The following FLG variants were observed in gnomAD, a reference collection of about 807,000 sequenced individuals.
FLG encodes the protein epidermal filaggrin.
Under a neutral mutation model 3.8 loss-of-function variants are expected in FLG, and 6 were observed. The ratio of observed to expected loss-of-function variants is 1.60; its 90% CI spans 0.87 to 3.15. FLG has a LOEUF of 3.15. FLG is among the 30% of genes most tolerant of loss of function. The probability of loss-of-function intolerance (pLI) is 0.00; values close to 1 mark genes in which losing one functional copy is unlikely to be tolerated. For missense variants in FLG, 7,595 were observed against 5,050.9 expected (o/e 1.50, Z -15.27); for synonymous variants, 2,551 against 1,931.6 (o/e 1.32, Z -8.41).
Position 152,311,837 on chromosome 1 carries a change from G to A in FLG, c.3049C>T (p.Gln1017Ter). The A allele has an allele frequency of 6.2e-7, 1 of 1,614,110 alleles. No individual in the cohort carries two copies. The highest frequency in any genetic ancestry group is 2.2e-5 in the East Asian group (1 of 44,866). ...GCCTGTTCATGGGATGACGCAGCCT[G>A]TCCACCAGAGGAAGTCTCTGCGTGA... ...TPHAETSSGG[Q>*]AASSHEQARS... is the part of the protein sequence containing the mutation. The change falls in exon 3 of 3, where the codon CAG (glutamine) becomes TAG (stop). Residue 1017 changes from glutamine (Q) to a stop codon, truncating the protein, a stop_gained. Coordinates refer to ENST00000368799, the MANE Select transcript of FLG (RefSeq NM_002016.2). LOFTEE classifies it low-confidence loss of function (END_TRUNC).
Position 152,312,358 on chromosome 1 carries a change from C to G in FLG, c.2528G>C (p.Gly843Ala), listed in dbSNP as rs558054487. 1.2e-6 allele frequency: 2 copies of G among 1,611,382 alleles called. No individual in the cohort carries two copies. Among genetic ancestry groups the G allele is most frequent in the African/African-American group, 1.3e-5 (1 of 74,272 alleles). The part of the protein sequence containing the change: ...ASQDGQDTIR[G>A]HPGSSRRGRQ... ...TCCTCTTCTGCTTGACCCCGGGTGT[C>G]CACGAATGGTGTCCTGACCATCTTG... The change falls in exon 3 of 3, where the codon GGA (glycine) becomes GCA (alanine). Residue 843 changes from glycine to alanine, a missense_variant. Physicochemically the swap from Gly to Ala is moderately conservative, Grantham distance 60. Transcript: ENST00000368799.
In FLG at chr1:152,309,732, C is replaced by T; in HGVS notation, c.5154G>A (p.Gln1718=). The change falls in exon 3 of 3, where the codon CAG becomes CAA. Residue 1718 remains glutamine (Q), a synonymous_variant. Transcript: ENST00000368799. ...CTGAGTGTCCCTCGCTGTCACTGGC[C>T]TGGCTACCACTGGACCCTCGGTTTC... ...DSGNRGSSGS[Q]ASDSEGHSEE... The T allele has an allele frequency of 3.1e-6, 5 of 1,614,090 alleles. No homozygotes were observed. Among genetic ancestry groups the T allele is most frequent in the Non-Finnish European group, 4.2e-6 (5 of 1,180,014 alleles).
intron 2 of FLG, 44 bp downstream of exon 2, chr1:152,315,275 A>G: frequency 6.3e-7 from 1 of 1,593,052 alleles, no homozygotes; most frequent in South Asian, 1.1e-5. Context: ...ATTATTGATG[A>G]GAAAAACAAA....
rs533784172 is a variant in FLG, at chr1:152,310,097, C to T, written c.4789G>A (p.Asp1597Asn). 1.8e-5 allele frequency: 29 copies of T among 1,613,932 alleles called. No individual in the cohort carries two copies. In the Admixed American group the frequency reaches 3.0e-4, roughly 17 times the overall value. The change falls in exon 3 of 3, where the codon GAC becomes AAC. Residue 1597 changes from aspartate to asparagine, a missense_variant. Asp to Asn is a conservative substitution (Grantham distance 23). Coordinates refer to ENST00000368799, the MANE Select transcript of FLG (RefSeq NM_002016.2). ...TCTGAGTGTCCCTCACTGTCCCTGT[C>T]CTGACTAACACTGGATCCCTGGCGC... is the stretch of plus-strand genomic sequence containing the variant. ...SRRQGSSVSQ[D>N]RDSEGHSEDS...
rs12407807 is a variant in FLG at position 152,309,835 on chromosome 1, C to G, written c.5051G>C (p.Arg1684Pro). ...GGAGCTGTCTGCTGACTGCTGGTGGCGGGATCCATGTCTTTCTCCTGGACT... is the reference window on the plus strand; with the variant it reads ...GGAGCTGTCTGCTGACTGCTGGTGGGGGGATCCATGTCTTTCTCCTGGACT... ...RSSPGERHGS[R>P]HQQSADSSTD... Residue 1684 changes from arginine (R) to proline (P), a missense_variant, in exon 3 of 3, where the codon CGC (arginine) becomes CCC (proline). By Grantham distance (103) the Arg-to-Pro change is moderately radical. Transcript: ENST00000368799. The G allele has an allele frequency of 3.1e-6, 5 of 1,613,752 alleles. No homozygotes were observed. Among genetic ancestry groups the G allele is most frequent in the Non-Finnish European group, 4.2e-6 (5 of 1,179,966 alleles).
rs1334103314 is a variant in FLG, at chr1:152,308,082, A to C, written c.6804T>G (p.His2268Gln). Residue 2268 changes from histidine to glutamine, a missense_variant, in exon 3 of 3, where the codon CAT becomes CAG. Physicochemically the swap from His to Gln is conservative, Grantham distance 24. Transcript: ENST00000368799. ...RRSGSASRNH[H>Q]GSAQEQSRDG... is the part of the protein sequence containing the mutation. ...CTCTTGACTGCTCCTGAGCAGATCC[A>C]TGATGGTTTCTGGACGCAGACCCAG... 6.2e-7 allele frequency: 1 copy of C among 1,613,820 alleles called. No individual in the cohort carries two copies. The highest frequency in any genetic ancestry group is 1.1e-5 in the South Asian group (1 of 91,068).
Position 152,302,667 on chromosome 1 carries a change from TATTCTTGGATTA to T in FLG, c.*21_*32del, listed in dbSNP as rs1651682302. On this transcript the variant is annotated 3_prime_UTR_variant, in exon 3 of 3. Coordinates refer to ENST00000368799, the MANE Select transcript of FLG (RefSeq NM_002016.2). ...TGAAAGTGAACTTGCTTCATTCTTC[TATTCTTGGATTA>T]ATTCCTTTGCCATTAATTTCTTACT... is the stretch of plus-strand genomic sequence containing the variant. 6.2e-7 allele frequency: 1 copy of T among 1,611,266 alleles called. No homozygotes were observed. Among genetic ancestry groups the T allele is most frequent in the Non-Finnish European group, 8.5e-7 (1 of 1,178,778 alleles).
At position 152,312,587 on chromosome 1, in the gene FLG, G is replaced by A. The variant is rs754404378; in HGVS notation, c.2299C>T (p.Gln767Ter). The change falls in exon 3 of 3, where the codon CAG (glutamine) becomes TAG (stop). Residue 767 changes from glutamine to a stop codon, truncating the protein, a stop_gained. Transcript: ENST00000368799. LOFTEE classifies it low-confidence loss of function (END_TRUNC). ...SDTQSVSGHG[Q>*]AGHHQQSHQE... ...TGGCTCTGCTGATGGTGACCAGCCT[G>A]TCCATGGCCTGACACTGACTGTGTG... 1 of 1,613,668 alleles carries A rather than the reference G, an allele frequency of 6.2e-7. No individual in the cohort carries two copies. The highest frequency in any genetic ancestry group is 8.5e-7 in the Non-Finnish European group (1 of 1,179,950).
chr1:152,310,888 T>C lies in FLG; in HGVS notation c.3998A>G (p.His1333Arg). The C allele has an allele frequency of 6.2e-7, 1 of 1,614,060 alleles. No homozygotes were observed. Among genetic ancestry groups the C allele is most frequent in the Non-Finnish European group, 8.5e-7 (1 of 1,179,992 alleles). ...ADSSRQSGTH[H>R]TESSSHGQAV... is the part of the protein sequence containing the mutation. The stretch of plus-strand genomic sequence containing the variant: ...CTGTCCATGAGAGGAAGACTCTGTG[T>C]GATGAGTGCCTGATTGTCTGGAGCT... The change falls in exon 3 of 3, where the codon CAC becomes CGC. Residue 1333 changes from histidine (H) to arginine (R), a missense_variant. His to Arg is a conservative substitution (Grantham distance 29). Transcript: ENST00000368799.
At chr1:152,322,473 A>G (rs1653012304) in intron 1 of FLG, among the ~76,000 whole-genome samples, 1 of 151,204 alleles carries the variant, frequency 6.6e-6, no homozygotes, top group South Asian at 2.1e-4. Context: ...AGCAATAAAC[A>G]CTTAGAAAAT....
rs762247040 is a variant in FLG at position 152,310,138 on chromosome 1, C to T, written c.4748G>A (p.Gly1583Glu). 4 of 1,613,788 alleles carry T rather than the reference C, an allele frequency of 2.5e-6. No homozygotes were observed. In the East Asian group the frequency reaches 8.9e-5, roughly 36 times the overall value. Reference sequence around the variant, plus strand: ...TCCCTGGCGCCTGCTTGTCTTGGACCCCGCTGATTCTCCCTGGCCCACCTG... The same window carrying T: ...TCCCTGGCGCCTGCTTGTCTTGGACTCCGCTGATTCTCCCTGGCCCACCTG... ...HSQVGQGESA[G>E]SKTSRRQGSS... Residue 1583 changes from glycine to glutamate, a missense_variant, in exon 3 of 3, where the codon GGG becomes GAG. Transcript: ENST00000368799.
In FLG at chr1:152,309,875, C is replaced by T; in HGVS notation, c.5011G>A (p.Glu1671Lys). ...TCTCCTGGACTTGACCTTGCCTGTT[C>T]CTGGGATGATGCAGCCTGTCCACCA... ...SSGGQAASSQ[E>K]QARSSPGERH... Residue 1671 changes from glutamate (E) to lysine (K), a missense_variant, in exon 3 of 3, where the codon GAA (glutamate) becomes AAA (lysine). Coordinates refer to ENST00000368799, the MANE Select transcript of FLG (RefSeq NM_002016.2). 1 of 1,614,066 alleles carries T rather than the reference C, an allele frequency of 6.2e-7. No homozygotes were observed. Among genetic ancestry groups the T allele is most frequent in the Non-Finnish European group, 8.5e-7 (1 of 1,180,026 alleles).
rs781073034 is a variant in FLG, at chr1:152,308,816, GC to G, written c.6069del (p.His2024MetfsTer71). On this transcript the variant is annotated frameshift_variant, in exon 3 of 3. Coordinates refer to ENST00000368799, the MANE Select transcript of FLG (RefSeq NM_002016.2). LOFTEE classifies it low-confidence loss of function (END_TRUNC). ...CTGACTGCAGATGAAGCTTGTCCAT[GC>G]CCAATGCCTGAGTGTCTGGAGCTGT... is the stretch of plus-strand genomic sequence containing the variant. ...SADSSRHSGIGHGQASSAVRD... is the reference protein window; with the variant it reads ...SADSSRHSGIXHGQASSAVRD... The G allele has an allele frequency of 1.2e-6, 2 of 1,614,180 alleles. No homozygotes were observed. The highest frequency in any genetic ancestry group is 2.2e-5 in the South Asian group (2 of 91,076).
chr1:152,314,407 T>C lies in FLG; in HGVS notation c.479A>G (p.Glu160Gly). The C allele has an allele frequency of 6.2e-7, 1 of 1,613,538 alleles. No homozygotes were observed. The highest frequency in any genetic ancestry group is 8.5e-7 in the Non-Finnish European group (1 of 1,179,916). ...KRHESSSEKK[E>G]RKGYSPTHRE... Reference sequence around the variant, plus strand: ...ATGAGTAGGTGAATATCCTTTTCTTTCTTTTTTTTCAGAACTAGATTCATG... The same window carrying C: ...ATGAGTAGGTGAATATCCTTTTCTTCCTTTTTTTTCAGAACTAGATTCATG... The change falls in exon 3 of 3, where the codon GAA becomes GGA. Residue 160 changes from glutamate to glycine, a missense_variant. Glu to Gly is a moderately conservative substitution (Grantham distance 98). Coordinates refer to ENST00000368799, the MANE Select transcript of FLG (RefSeq NM_002016.2).
chr1:152,313,172 G>C lies in FLG; in HGVS notation c.1714C>G (p.Arg572Gly), dbSNP rs200601767. ...CCGTCTCCTGATTGTTCCTCATTTC[G>C]TGTTTGTCTGCTTGCACTTCTGGAT... Reference protein sequence around the residue: ...SGSRSASRQTRNEEQSGDGTR... With the variant: ...SGSRSASRQTGNEEQSGDGTR... Residue 572 changes from arginine to glycine, a missense_variant, in exon 3 of 3, where the codon CGA becomes GGA. Coordinates refer to ENST00000368799, the MANE Select transcript of FLG (RefSeq NM_002016.2). The C allele has an allele frequency of 2.3e-5, 37 of 1,613,650 alleles. No individual in the cohort carries two copies. Among genetic ancestry groups the C allele is most frequent in the East Asian group, 8.9e-5 (4 of 44,844 alleles).
chr1:152,316,180 A>G (rs947173436), intron 1 of FLG, among the ~76,000 whole-genome samples: 2 of 152,184 alleles, frequency 1.3e-5, no homozygotes, highest in African/African-American at 4.8e-5. Flanking sequence ...TTACAAAACC[A>G]GGTGAAACTA....
chr1:152,310,727 G>T lies in FLG; in HGVS notation c.4159C>A (p.His1387Asn). The stretch of plus-strand genomic sequence containing the variant: ...ACCTGACTACCACTGGACCCTCGGT[G>T]TCCACTGTCTCTGACTGCAGATGAA... ...QASSAVRDSGHRGSSGSQVTN... is the reference protein window; with the variant it reads ...QASSAVRDSGNRGSSGSQVTN... Residue 1387 changes from histidine (H) to asparagine (N), a missense_variant, in exon 3 of 3, where the codon CAC becomes AAC. Physicochemically the swap from His to Asn is moderately conservative, Grantham distance 68 (BLOSUM62 1). Coordinates refer to ENST00000368799, the MANE Select transcript of FLG (RefSeq NM_002016.2). The T allele has an allele frequency of 1.9e-6, 3 of 1,613,992 alleles. No homozygotes were observed. The highest frequency in any genetic ancestry group is 2.5e-6 in the Non-Finnish European group (3 of 1,180,020).
intron 1 of FLG, among the ~76,000 whole-genome samples, chr1:152,318,211 C>T (rs942187609): frequency 2.6e-5 from 4 of 151,930 alleles, no homozygotes; most frequent in African/African-American, 9.7e-5. Flanking sequence ...TGCTTTCTCT[C>T]TTAAAATGTT....
At position 152,307,602 on chromosome 1, in the gene FLG, A is replaced by T. The variant is rs1294009631; in HGVS notation, c.7284T>A (p.His2428Gln). The T allele has an allele frequency of 6.2e-7, 1 of 1,613,574 alleles. No homozygotes were observed. The highest frequency in any genetic ancestry group is 1.1e-5 in the South Asian group (1 of 91,058). ...CTCCAGTGCTGGTCCCGGTCCGTCC[A>T]TGGGCGGACTCAGACTGTTCATGAG... ...VSTHEQSESA[H>Q]GRTGTSTGGR... is the part of the protein sequence containing the mutation. Residue 2428 changes from histidine to glutamine, a missense_variant, in exon 3 of 3, where the codon CAT (histidine) becomes CAA (glutamine). His to Gln is a conservative substitution (Grantham distance 24). Transcript: ENST00000368799.
Sources: allele counts gnomAD v4.1 joint callset (sites outside exome capture counted in the v4.1 genomes callset), GRCh38; gene constraint gnomAD v4.1.1; transcripts MANE v1.5; gene names NCBI Gene and HGNC (gene_info 2026-07-23, HGNC 2026-07-21).